Variants in TOP1 observed in about 807,000 individuals in gnomAD.
The protein encoded by TOP1 is DNA topoisomerase I, also known as DNA topoisomerase 1.
A neutral mutation model predicts 111.1 loss-of-function variants in TOP1; 10 were observed. The ratio of observed to expected loss-of-function variants is 0.09; its 90% CI spans 0.06 to 0.15. The LOEUF (loss-of-function observed/expected upper bound fraction) is 0.15, where lower values mean the gene tolerates loss of function less well. Among genes scored for constraint, TOP1 ranks in the 10% least tolerant of loss-of-function variants. TOP1 has a pLI of 1.00. For missense variants in TOP1, 474 were observed against 926.7 expected (o/e 0.51, Z 6.34); for synonymous variants, 271 against 302.9 (o/e 0.89, Z 1.10).
chr20:41,072,404 CAT>C (rs1209000577), intron 3 of TOP1: 1 of 985,382 alleles, frequency 1.0e-6, no homozygotes, highest in Non-Finnish European at 1.2e-6. Context: ...GAAAGTCAAA[CAT>C]ATCCTAAGCC....
intron 8 of TOP1, among the ~76,000 whole-genome samples, chr20:41,084,818 T>G (rs901071993): frequency 2.9e-4 from 44 of 152,168 alleles, no homozygotes; most frequent in African/African-American, 1.0e-3. Flanking sequence ...GACCTATGTA[T>G]AGGTGGGAAT....
intron 2 of TOP1, among the ~76,000 whole-genome samples, chr20:41,054,377 C>G (rs528516851): frequency 6.6e-6 from 1 of 152,328 alleles, no homozygotes; most frequent in South Asian, 2.1e-4. Flanking sequence ...TTTGCTTCCC[C>G]TTCCACCATG....
intron 2 of TOP1, among the ~76,000 whole-genome samples, chr20:41,041,155 G>A (rs1451330503): frequency 6.6e-6 from 1 of 151,992 alleles, no homozygotes; most frequent in East Asian, 1.9e-4. Flanking sequence ...ATTTCATTCT[G>A]TAGTAGTCTG....
chr20:41,091,365 A>G (rs1030306097), intron 8 of TOP1, among the ~76,000 whole-genome samples: 1 of 152,078 alleles, frequency 6.6e-6, no homozygotes, highest in Non-Finnish European at 1.5e-5. Context: ...GAAGTTTTTA[A>G]TATGGACTGG....
intron 17 of TOP1, among the ~76,000 whole-genome samples, 187 bp from the exon 18 acceptor site, chr20:41,117,982 A>G (rs925904616): frequency 2.0e-5 from 3 of 152,166 alleles, no homozygotes; most frequent in Admixed American, 1.3e-4. Flanking sequence ...TAAACTTCCT[A>G]CTATCATTTT....
intron 2 of TOP1, among the ~76,000 whole-genome samples, chr20:41,044,485 T>A (rs894849459): frequency 6.6e-6 from 1 of 152,178 alleles, no homozygotes; most frequent in African/African-American, 2.4e-5. Context: ...ACTAATAACT[T>A]CAGTTGAAAT....
intron 3 of TOP1, among the ~76,000 whole-genome samples, chr20:41,063,576 C>G (rs1019341982): frequency 6.6e-6 from 1 of 152,114 alleles, no homozygotes; most frequent in Admixed American, 6.5e-5. Flanking sequence ...TAAGTGTTCC[C>G]TTTTTTCTGC....
intron 2 of TOP1, among the ~76,000 whole-genome samples, chr20:41,060,916 T>A (rs748483287): frequency 6.6e-6 from 1 of 152,194 alleles, no homozygotes; most frequent in Non-Finnish European, 1.5e-5. Context: ...TGCAAATGGT[T>A]GAATCTATGG....
At chr20:41,063,941 T>G (rs1247127584) in intron 3 of TOP1, among the ~76,000 whole-genome samples, 1 of 152,228 alleles carries the variant, frequency 6.6e-6, no homozygotes, top group African/African-American at 2.4e-5. Flanking sequence ...ATTTTTGCTT[T>G]TGCTGCAATT....
chr20:41,092,618 C>A lies in TOP1; in HGVS notation c.730+31C>A. On this transcript the variant is annotated intron_variant, in intron 9 of 20. Coordinates refer to ENST00000361337, the MANE Select transcript of TOP1 (RefSeq NM_003286.4). The surrounding 1 kb of genome is among the most constrained non-coding windows in gnomAD (Gnocchi z 4.3). ...TTGTTTCAAGGTTCTTGATTCTTGG[C>A]CAGGAAAAGAAATCTGCTTCTATTT... is the stretch of plus-strand genomic sequence containing the variant. 1.8e-6 allele frequency: 2 copies of A among 1,117,236 alleles called. No individual in the cohort carries two copies. Among genetic ancestry groups the A allele is most frequent in the Non-Finnish European group, 2.6e-6 (2 of 761,292 alleles). 69.2% of individuals were successfully genotyped at this position (1,117,236 alleles called of 1,614,324 possible).
chr20:41,103,366 G>A (rs2034094535), intron 13 of TOP1, among the ~76,000 whole-genome samples: 1 of 152,174 alleles, frequency 6.6e-6, no homozygotes, highest in Non-Finnish European at 1.5e-5. Context: ...GTCTCTGCAT[G>A]CTTTCCTGTG....
rs2034147460 is a variant in TOP1, at chr20:41,106,489, A to C, written c.1308+5136A>C. Among the ~76,000 whole-genome samples, 1 of 152,240 alleles carries C rather than the reference A, an allele frequency of 6.6e-6. No individual in the cohort carries two copies. Among genetic ancestry groups the C allele is most frequent in the Admixed American group, 6.5e-5 (1 of 15,288 alleles). Reference sequence around the variant, plus strand: ...AATACATTTATAGATTAACGGAGAAAGATATTGACAATACAATTGAGTTTC... The same window carrying C: ...AATACATTTATAGATTAACGGAGAACGATATTGACAATACAATTGAGTTTC... On this transcript the variant is annotated intron_variant, in intron 13 of 20. Coordinates refer to ENST00000361337, the MANE Select transcript of TOP1 (RefSeq NM_003286.4). The surrounding 1 kb of genome is among the most constrained non-coding windows in gnomAD (Gnocchi z 4.3).
In TOP1 at chr20:41,097,579, A is replaced by G. The variant is rs146790461; in HGVS notation, c.852+238A>G. ...ATGTGATGGCAGGTAGGTGGGGGTTATCAGATTAGGCCAAACAGAAAACCT... is the reference window on the plus strand; with the variant it reads ...ATGTGATGGCAGGTAGGTGGGGGTTGTCAGATTAGGCCAAACAGAAAACCT... On this transcript the variant is annotated intron_variant, in intron 10 of 20. Coordinates refer to ENST00000361337, the MANE Select transcript of TOP1 (RefSeq NM_003286.4). The surrounding 1 kb of genome is among the most constrained non-coding windows in gnomAD (Gnocchi z 4.2). Among the ~76,000 whole-genome samples, 35 of 152,292 alleles carry G rather than the reference A, an allele frequency of 2.3e-4. No individual in the cohort carries two copies. The highest frequency in any genetic ancestry group is 6.7e-4 in the African/African-American group (28 of 41,556).
At chr20:41,084,667 G>T in intron 8 of TOP1, 99 bp downstream of exon 8, 1 of 681,712 alleles carries the variant, frequency 1.5e-6, no homozygotes, top group South Asian at 2.7e-5. Context: ...TGATATTTGG[G>T]GGGAAATACT....
chr20:41,042,759 A>G (rs1379991100), intron 2 of TOP1, among the ~76,000 whole-genome samples: 1 of 152,236 alleles, frequency 6.6e-6, no homozygotes, highest in African/African-American at 2.4e-5. Context: ...GTTGACCAGA[A>G]GCCTTACTGA....
rs148811898 is a variant in TOP1, at chr20:41,068,690, C to T, written c.155+7200C>T. Among the ~76,000 whole-genome samples the T allele has an allele frequency of 7.1e-3, 1,077 of 152,230 alleles. 12 individuals carry two copies. The highest frequency in any genetic ancestry group is 0.024 in the African/African-American group (1,017 of 41,518). ...GGTTACAGGCATGAGCCACCATGGC[C>T]GGCCCTCTTTTAAAAAATACATAAA... On this transcript the variant is annotated intron_variant, in intron 3 of 20. Transcript: ENST00000361337.
chr20:41,072,785 A>C, intron 3 of TOP1: 8 of 985,400 alleles, frequency 8.1e-6, no homozygotes, highest in Non-Finnish European at 9.6e-6. Context: ...TATAAACCCA[A>C]ATTTCTAACA....
chr20:41,116,542 GC>G lies in TOP1; in HGVS notation c.1822+151del, dbSNP rs2034333419. ...TTTAGACCTCTAGTAGCGAGATAAT[GC>G]TTTGTTGTATAAACATAGGATCAAT... is the stretch of plus-strand genomic sequence containing the variant. On this transcript the variant is annotated intron_variant, in intron 17 of 20. Transcript: ENST00000361337. The surrounding 1 kb of genome is among the most constrained non-coding windows in gnomAD (Gnocchi z 5.6). 2 of 595,100 alleles carry G rather than the reference GC, an allele frequency of 3.4e-6. No homozygotes were observed. The highest frequency in any genetic ancestry group is 6.0e-6 in the Non-Finnish European group (2 of 333,334). The allele number at this position is 595,100 out of a possible 1,614,324, so 36.9% of individuals were successfully genotyped here.
rs141289463 is a variant in TOP1 at position 41,063,404 on chromosome 20, T to A, written c.155+1914T>A. On this transcript the variant is annotated intron_variant, in intron 3 of 20. Coordinates refer to ENST00000361337, the MANE Select transcript of TOP1 (RefSeq NM_003286.4). ...AGAACAGAGCTGCAGTGAACATGTG[T>A]GTACATGTGTCTTTTTAGTAAAATG... Among the ~76,000 whole-genome samples, 329 of 152,326 alleles carry A rather than the reference T, an allele frequency of 2.2e-3. 1 individual carries two copies. Among genetic ancestry groups the A allele is most frequent in the African/African-American group, 6.5e-3 (270 of 41,574 alleles).
Sources: allele counts gnomAD v4.1 joint callset (sites outside exome capture counted in the v4.1 genomes callset), GRCh38; gene constraint gnomAD v4.1.1; non-coding constraint Gnocchi (gnomAD v3.1); transcripts MANE v1.5; gene names NCBI Gene and HGNC (gene_info 2026-07-23, HGNC 2026-07-21).